CREBBP: variants seen among roughly 807,000 people sequenced by gnomAD.
CREBBP encodes the protein CREB-binding protein.
Under a neutral mutation model 265.0 loss-of-function variants are expected in CREBBP, and 19 were observed. The ratio of observed to expected loss-of-function variants is 0.07; its 90% confidence interval spans 0.05 to 0.11. CREBBP has a LOEUF of 0.11. Among genes scored for constraint, CREBBP ranks in the 10% least tolerant of loss-of-function variants. The probability of loss-of-function intolerance (pLI) is 1.00; values close to 1 mark genes in which losing one functional copy is unlikely to be tolerated. For missense variants in CREBBP, 2,525 were observed against 3,219.0 expected (o/e 0.78, Z 5.22); for synonymous variants, 1,457 against 1,223.7 (o/e 1.19, Z -3.98).
rs1333537367 is a variant in CREBBP at position 3,773,904 on chromosome 16, A to T, written c.2310T>A (p.Pro770=). Residue 770 remains proline (P), a synonymous_variant, in exon 13 of 31, where the codon CCT becomes CCA. Transcript: ENST00000262367. ...GTGCACCCATCATGTTCGGAGGCTG[A>T]GGCATTCGGGAAGGAGAAATGGCCA... The part of the protein sequence containing the change: ...PGMAISPSRM[P]QPPNMMGAHT... 6.2e-7 allele frequency: 1 copy of T among 1,612,224 alleles called. No individual in the cohort carries two copies.
In CREBBP at chr16:3,793,698, C is replaced by T. The variant is rs529260461; in HGVS notation, c.976-72G>A. 6.5e-6 allele frequency: 10 copies of T among 1,535,382 alleles called. 1 individual carries two copies. In the South Asian group the frequency reaches 9.4e-5, roughly 14 times the overall value. On this transcript the variant is annotated intron_variant, in intron 3 of 30. Transcript: ENST00000262367. The stretch of plus-strand genomic sequence containing the variant: ...CAAGTCATATTCATTAATTATTTCT[C>T]AAACAAAAGCAAAAGCTGATGGATA...
Position 3,850,422 on chromosome 16 carries a change from G to A in CREBBP, c.673C>T (p.Pro225Ser), listed in dbSNP as rs2054806920. 6.2e-7 allele frequency: 1 copy of A among 1,614,224 alleles called. No individual in the cohort carries two copies. The highest frequency in any genetic ancestry group is 8.5e-7 in the Non-Finnish European group (1 of 1,180,038). The change falls in exon 2 of 31, where the codon CCG (proline) becomes TCG (serine). Residue 225 changes from proline (P) to serine (S), a missense_variant. Around this residue, in one of 19 missense-constraint regions of CREBBP, gnomAD observed 356 missense variants for 340.4 expected, o/e 1.05. Transcript: ENST00000262367. ...AAGRGRGAGM[P>S]YPTPAMQGAS... is the part of the protein sequence containing the mutation. ...CCCTGCATGGCTGGAGTAGGGTACG[G>A]CATTCCAGCTCCCCTTCCTCTGCCA...
chr16:3,773,793 A>G lies in CREBBP; in HGVS notation c.2421T>C (p.Ser807=), dbSNP rs2053070577. The G allele has an allele frequency of 2.5e-6, 4 of 1,613,552 alleles. No individual in the cohort carries two copies. The highest frequency in any genetic ancestry group is 3.4e-6 in the Non-Finnish European group (4 of 1,180,006). Residue 807 remains serine (S), a synonymous_variant, in exon 13 of 31, where the codon AGT becomes AGC. Coordinates refer to ENST00000262367, the MANE Select transcript of CREBBP (RefSeq NM_004380.3). ...NQFPSSSGAM[S]VGMGQPPAQT... ...GGGCTGGCGGCTGCCCCATGCCCAC[A>G]CTCATCGCCCCGCTGGATGACGGGA... is the stretch of plus-strand genomic sequence containing the variant.
chr16:3,757,261 T>C (rs370283778), intron 19 of CREBBP, 27 bp downstream of exon 19: 56 of 1,561,982 alleles, frequency 3.6e-5, no homozygotes, highest in South Asian at 7.9e-5. Flanking sequence ...CCCTAAGACA[T>C]AATGCAGGAT....
chr16:3,767,429 A>G, intron 16 of CREBBP: 1 of 537,186 alleles, frequency 1.9e-6, no homozygotes, highest in East Asian at 3.2e-5. Flanking sequence ...TCAAGGACCC[A>G]GACACATTTC....
chr16:3,739,592 G>C lies in CREBBP; in HGVS notation c.4266C>G (p.Pro1422=), dbSNP rs794727402. 51 of 1,614,196 alleles carry C rather than the reference G, an allele frequency of 3.2e-5. No homozygotes were observed. Among genetic ancestry groups the C allele is most frequent in the Non-Finnish European group, 4.0e-5 (47 of 1,180,038 alleles). The change falls in exon 25 of 31, where the codon CCC becomes CCG. Residue 1422 remains proline (P), a synonymous_variant. Coordinates refer to ENST00000262367, the MANE Select transcript of CREBBP (RefSeq NM_004380.3). ...MHVQEYGSDC[P]PPNTRRVYIS... ...TGGAAAACTACCTCGTGTTTGGAGG[G>C]GGGCAATCAGAGCCGTATTCTTGGA...
chr16:3,838,714 C>T (rs2054505943), intron 2 of CREBBP, among the ~76,000 whole-genome samples: 1 of 152,120 alleles, frequency 6.6e-6, no homozygotes, highest in Admixed American at 6.6e-5. Context: ...GTATAACAAA[C>T]ATCAACTTTT....
rs28558293 is a variant in CREBBP, at chr16:3,753,773, T to A, written c.3699-1967A>T. On this transcript the variant is annotated intron_variant, in intron 19 of 30. Transcript: ENST00000262367. ...CTCAATCCCCAATACTTCCCTTTTA[T>A]AAGTAAAACTCCTAATTGAGTGCCC... is the stretch of plus-strand genomic sequence containing the variant. 4.5e-3 allele frequency among the ~76,000 whole-genome samples: 689 copies of A among 152,258 alleles called. 8 individuals carry two copies. The highest frequency in any genetic ancestry group is 0.016 in the African/African-American group (652 of 41,534).
At chr16:3,742,497 G>A (rs1435191881) in intron 23 of CREBBP, 1 of 152,174 alleles carries the variant, frequency 6.6e-6, no homozygotes, top group Admixed American at 6.5e-5. Context: ...TTCATCCATG[G>A]CGCATGACAG....
chr16:3,831,627 A>T (rs1396369273), intron 2 of CREBBP, among the ~76,000 whole-genome samples: 1 of 152,212 alleles, frequency 6.6e-6, no homozygotes, highest in African/African-American at 2.4e-5. Context: ...TAAAATGGAC[A>T]AACCCCAACC....
intron 21 of CREBBP, chr16:3,745,725 A>T (rs129962): frequency 0.097 from 35,495 of 366,996 alleles, 5,537 homozygotes; most frequent in African/African-American, 0.44. Flanking sequence ...TTCACATGCC[A>T]AAACTGACTT....
intron 2 of CREBBP, among the ~76,000 whole-genome samples, chr16:3,829,758 A>G (rs1391512707): frequency 1.3e-5 from 2 of 152,214 alleles, no homozygotes; most frequent in Non-Finnish European, 2.9e-5. Flanking sequence ...ATCATCCACC[A>G]TTTCCACTAC....
chr16:3,793,348 T>C, intron 4 of CREBBP, 38 bp downstream of exon 4: 1 of 1,613,262 alleles, frequency 6.2e-7, no homozygotes, highest in Non-Finnish European at 8.5e-7. Context: ...AAATTCTTCC[T>C]GACCTCTACC....
chr16:3,831,071 C>T (rs758748567), intron 2 of CREBBP, among the ~76,000 whole-genome samples: 5 of 152,182 alleles, frequency 3.3e-5, no homozygotes, highest in African/African-American at 9.6e-5. Flanking sequence ...TGAGACACTG[C>T]GCCTGATCAT....
chr16:3,811,213 G>C (rs777033304), intron 2 of CREBBP, among the ~76,000 whole-genome samples: 15 of 152,164 alleles, frequency 9.9e-5, no homozygotes, highest in Non-Finnish European at 1.9e-4. Flanking sequence ...AAAACACACA[G>C]TGGAAATATT....
chr16:3,834,945 T>G (rs935044101), intron 2 of CREBBP, among the ~76,000 whole-genome samples: 2 of 151,952 alleles, frequency 1.3e-5, no homozygotes, highest in Non-Finnish European at 2.9e-5. Context: ...GATCACGAGG[T>G]CACGAGATCG....
rs71133660 is a variant in CREBBP at position 3,818,303 on chromosome 16, C to CTT, written c.799-7526_799-7525dup. Among the ~76,000 whole-genome samples, 343 of 106,396 alleles carry CTT rather than the reference C, an allele frequency of 3.2e-3. 6 individuals carry two copies. Among genetic ancestry groups the CTT allele is most frequent in the Non-Finnish European group, 4.7e-3 (242 of 51,988 alleles). The allele number at this position is 106,396 out of a possible 152,430, so 69.8% of individuals were successfully genotyped here. On this transcript the variant is annotated intron_variant, in intron 2 of 30. Coordinates refer to ENST00000262367, the MANE Select transcript of CREBBP (RefSeq NM_004380.3). ...GAGTTTGATGTTTAGGTTTTCTTTTCTTTTTTTTTTTTTTTTTTTTTGAGA... is the reference window on the plus strand; with the variant it reads ...GAGTTTGATGTTTAGGTTTTCTTTTCTTTTTTTTTTTTTTTTTTTTTTTGAGA...
intron 13 of CREBBP, among the ~76,000 whole-genome samples, chr16:3,771,403 G>C (rs1463383733): frequency 6.6e-6 from 1 of 152,142 alleles, no homozygotes; most frequent in Admixed American, 6.5e-5. Flanking sequence ...TTTCTTGGGA[G>C]TGTTCTGCTT....
intron 4 of CREBBP, among the ~76,000 whole-genome samples, chr16:3,792,838 T>G (rs2053533564): frequency 6.6e-6 from 1 of 152,208 alleles, no homozygotes; most frequent in South Asian, 2.1e-4. Context: ...GCACGTGAAG[T>G]GCCTAGTTCA....
Sources: allele counts gnomAD v4.1 joint callset (sites outside exome capture counted in the v4.1 genomes callset), GRCh38; gene constraint gnomAD v4.1.1; regional missense constraint gnomAD v4.1.1; transcripts MANE v1.5; gene names NCBI Gene and HGNC (gene_info 2026-07-23, HGNC 2026-07-21).